UBAC2: variants seen among roughly 807,000 people sequenced by gnomAD.
The protein encoded by UBAC2 is ubiquitin-associated domain-containing protein 2.
Under a neutral mutation model 44.0 loss-of-function variants are expected in UBAC2, and 26 were observed. The ratio of observed to expected loss-of-function variants is 0.59; its 90% CI spans 0.43 to 0.82. UBAC2 has a LOEUF of 0.82. Among genes scored for constraint, UBAC2 ranks in the 40% least tolerant of loss-of-function variants. UBAC2 has a pLI of 0.00. For missense variants in UBAC2, 329 were observed against 419.4 expected, an observed-to-expected ratio of 0.78 and a Z score of 1.88; for synonymous variants, 155 against 154.3, an observed-to-expected ratio of 1.00 and a Z score of -0.04.
chr13:99,313,727 AGG>A (rs2044446565), intron 4 of UBAC2, among the ~76,000 whole-genome samples: 1 of 152,058 alleles, frequency 6.6e-6, no homozygotes, highest in Non-Finnish European at 1.5e-5. Flanking sequence ...GCTTGAGATG[AGG>A]CTTTTGGATT....
At chr13:99,309,691 C>G (rs535088518) in intron 4 of UBAC2, among the ~76,000 whole-genome samples, 1 of 152,192 alleles carries the variant, frequency 6.6e-6, no homozygotes, top group African/African-American at 2.4e-5. Context: ...ACCTCTGCCT[C>G]CTGGGCTCAA....
chr13:99,382,877 AGCCACGGTACCCACAG>A (rs2045569064), intron 8 of UBAC2, among the ~76,000 whole-genome samples: 1 of 152,192 alleles, frequency 6.6e-6, no homozygotes, highest in Non-Finnish European at 1.5e-5. Flanking sequence ...CAGCAGAACA[AGCCACGGTACCCACAG>A]GCCTGGGTGG....
chr13:99,232,398 A>ATATATATATATATATATATAT (rs2043183059), intron 1 of UBAC2, among the ~76,000 whole-genome samples: 4 of 101,040 alleles, frequency 4.0e-5, no homozygotes, highest in Admixed American at 2.7e-4. Context: ...CTTAGTTGAG[A>ATATATATATATATATATATAT]GATATAGATA....
rs1450385275 is a variant in UBAC2, at chr13:99,210,436, CATA to C, written c.31+9500_31+9502del. 4.6e-5 allele frequency among the ~76,000 whole-genome samples: 7 copies of C among 151,506 alleles called. 1 individual carries two copies. Among genetic ancestry groups the C allele is most frequent in the Non-Finnish European group, 1.0e-4 (7 of 67,926 alleles). ...CCAAGAGAATCTTTTAAAATGTAAT[CATA>C]ATGAGCATGTATATGCTCCGCTTTT... On this transcript the variant is annotated intron_variant, in intron 1 of 8. Transcript: ENST00000403766.
chr13:99,228,095 C>G (rs1290342029), intron 1 of UBAC2, among the ~76,000 whole-genome samples: 3 of 152,110 alleles, frequency 2.0e-5, no homozygotes, highest in African/African-American at 7.2e-5. Context: ...AGAGGAAGGA[C>G]TGACGGGGCC....
At chr13:99,296,109 A>T in intron 4 of UBAC2, 1 of 1,607,366 alleles carries the variant, frequency 6.2e-7, no homozygotes, top group Non-Finnish European at 8.5e-7. Flanking sequence ...GGAGTTGCAG[A>T]GGGCGGAGTA....
intron 8 of UBAC2, among the ~76,000 whole-genome samples, chr13:99,379,287 T>C (rs1417669534): frequency 1.3e-5 from 2 of 152,210 alleles, no homozygotes; most frequent in Non-Finnish European, 2.9e-5. Context: ...TTAGCTGTAG[T>C]TGTGTCTTTC....
At chr13:99,297,597 G>A (rs987062566) in intron 4 of UBAC2, among the ~76,000 whole-genome samples, 2 of 151,958 alleles carry the variant, frequency 1.3e-5, no homozygotes, top group African/African-American at 4.8e-5. Flanking sequence ...AGTGTTGATA[G>A]GTTAGTCATT....
chr13:99,215,757 A>C (rs1436509615), intron 1 of UBAC2: 1 of 1,291,970 alleles, frequency 7.7e-7, no homozygotes, highest in Non-Finnish European at 1.1e-6. Context: ...ACCGTCAGCC[A>C]TTTCGAGTTC....
rs758887216 is a variant in UBAC2 at position 99,243,846 on chromosome 13, A to G, written c.174A>G (p.Ile58Met). The G allele has an allele frequency of 1.7e-5, 27 of 1,572,876 alleles. No homozygotes were observed. The African/African-American group carries it at 3.2e-4, about 19-fold the overall frequency. ...TCCCCATCTAGATTTGGAGGTTGAT[A>G]TGTGGAAGAATAATTTGCCTTGATT... ...VKNDFQIWRLICGRIICLDLK... is the reference protein window; with the variant it reads ...VKNDFQIWRLMCGRIICLDLK... The change falls in exon 3 of 9, where the codon ATA (isoleucine) becomes ATG (methionine). Residue 58 changes from isoleucine (I) to methionine (M), a missense_variant. Physicochemically the swap from Ile to Met is conservative, Grantham distance 10. Coordinates refer to ENST00000403766, the MANE Select transcript of UBAC2 (RefSeq NM_001144072.2).
At chr13:99,224,453 G>A (rs1359448034) in intron 1 of UBAC2, among the ~76,000 whole-genome samples, 2 of 152,176 alleles carry the variant, frequency 1.3e-5, no homozygotes, top group African/African-American at 4.8e-5. Context: ...TGTGAGAAGA[G>A]TGCTGAATTC....
Position 99,295,185 on chromosome 13 carries a change from T to A in UBAC2, c.390-18912T>A. The A allele has an allele frequency of 6.2e-7, 1 of 1,614,168 alleles. No homozygotes were observed. Among genetic ancestry groups the A allele is most frequent in the Non-Finnish European group, 8.5e-7 (1 of 1,180,010 alleles). On this transcript the variant is annotated intron_variant, in intron 4 of 8. Transcript: ENST00000403766. The surrounding 1 kb of genome is among the most constrained non-coding windows in gnomAD (Gnocchi z 4.1). ...ACACTGACTTGCCGTTTCAGCATCC[T>A]CATAACCTTTCTCTTATACCCTTTA...
At chr13:99,327,354 G>A (rs1054568168) in intron 6 of UBAC2, among the ~76,000 whole-genome samples, 10 of 152,188 alleles carry the variant, frequency 6.6e-5, no homozygotes, top group African/African-American at 2.2e-4. Context: ...TATCATGTCC[G>A]TTGCAGGACA....
At chr13:99,202,950 G>C (rs934149918) in intron 1 of UBAC2, among the ~76,000 whole-genome samples, 11 of 152,074 alleles carry the variant, frequency 7.2e-5, no homozygotes, top group Admixed American at 2.0e-4. Context: ...CATTAGAAAA[G>C]GCTGTGTGTC....
chr13:99,201,841 G>T (rs1336393835), intron 1 of UBAC2, among the ~76,000 whole-genome samples: 1 of 152,118 alleles, frequency 6.6e-6, no homozygotes, highest in Admixed American at 6.5e-5. Context: ...GGAGGCCGAG[G>T]TGGGCGGATC....
At chr13:99,201,288 G>A in intron 1 of UBAC2, 2 of 1,456,472 alleles carry the variant, frequency 1.4e-6, no homozygotes, top group Middle Eastern at 2.2e-4. Context: ...CCGCGCTGAA[G>A]GAAGGGGCCG....
intron 4 of UBAC2, among the ~76,000 whole-genome samples, chr13:99,248,122 C>A (rs756666997): frequency 4.6e-5 from 7 of 152,192 alleles, no homozygotes; most frequent in Non-Finnish European, 7.4e-5. Context: ...TGCCCACTTT[C>A]TTGATTTCAA....
intron 4 of UBAC2, among the ~76,000 whole-genome samples, 161 bp from the exon 5 acceptor site, chr13:99,313,936 A>G (rs1028204871): frequency 2.6e-5 from 4 of 152,222 alleles, no homozygotes; most frequent in African/African-American, 9.6e-5. Context: ...TATAAGTACA[A>G]ATTATTTTGG....
chr13:99,306,307 CTTA>C (rs2044334111), intron 4 of UBAC2, among the ~76,000 whole-genome samples: 1 of 152,098 alleles, frequency 6.6e-6, no homozygotes, highest in Non-Finnish European at 1.5e-5. Context: ...TTTTTTAGCA[CTTA>C]TAATGAGAGG....
Sources: gnomAD v4.1 joint callset for allele counts (sites outside exome capture counted in the v4.1 genomes callset) on GRCh38, gnomAD v4.1.1 for gene constraint, Gnocchi (gnomAD v3.1) non-coding constraint, MANE v1.5 for transcripts, NCBI Gene and HGNC (gene_info 2026-07-23, HGNC 2026-07-21) for gene names.